The following DPYD variants were observed in gnomAD, a reference collection of about 807,000 sequenced individuals.
The protein encoded by DPYD is dihydropyrimidine dehydrogenase.
DPYD carries 109 observed loss-of-function variants against 116.2 expected under a neutral mutation model. That is an observed-to-expected ratio of 0.94 (90% CI 0.80 to 1.10). The LOEUF (loss-of-function observed/expected upper bound fraction) is 1.10. DPYD is among the 50% of genes least tolerant of loss of function. DPYD has a pLI of 0.00. For synonymous variants in DPYD, 440 were observed against 432.0 expected (o/e 1.02, Z -0.23); for missense variants, 1,302 against 1,254.5 (o/e 1.04, Z -0.57).
At chr1:97,874,448 A>AGG (rs1266047742) in intron 2 of DPYD, among the ~76,000 whole-genome samples, 1 of 151,912 alleles carries the variant, frequency 6.6e-6, no homozygotes, top group Non-Finnish European at 1.5e-5. Context: ...AGGTGCATAC[A>AGG]GGGTTTTTCT....
At chr1:97,095,616 C>G (rs1557859681) in intron 21 of DPYD, among the ~76,000 whole-genome samples, 1 of 150,978 alleles carries the variant, frequency 6.6e-6, no homozygotes, top group Non-Finnish European at 1.5e-5. Context: ...ATTAAAGCTT[C>G]TGTGTGTGTA....
intron 2 of DPYD, among the ~76,000 whole-genome samples, chr1:97,837,074 A>G (rs1669804716): frequency 6.6e-6 from 1 of 152,166 alleles, no homozygotes; most frequent in Admixed American, 6.5e-5. Context: ...AAGCCTTCCA[A>G]TATCCTTCTG....
At chr1:97,509,525 T>C (rs1449123824) in intron 13 of DPYD, among the ~76,000 whole-genome samples, 1 of 151,972 alleles carries the variant, frequency 6.6e-6, no homozygotes, top group Non-Finnish European at 1.5e-5. Context: ...GAAAGAACAC[T>C]GAACGTGTTC....
intron 13 of DPYD, among the ~76,000 whole-genome samples, chr1:97,468,023 AT>A (rs1677427429): frequency 1.3e-5 from 2 of 152,130 alleles, no homozygotes; most frequent in South Asian, 4.1e-4. Flanking sequence ...GATGATAAAT[AT>A]TTTAGAGTTT....
Position 97,474,797 on chromosome 1 carries a change from T to C in DPYD, c.1741-24574A>G, listed in dbSNP as rs542971414. ...CTGAATGAGATATATGTTATAATTA[T>C]AGCAAATGTTTGATCTAACTTTTAT... On this transcript the variant is annotated intron_variant, in intron 13 of 22. Coordinates refer to ENST00000370192, the MANE Select transcript of DPYD (RefSeq NM_000110.4). Among the ~76,000 whole-genome samples, 6 of 148,042 alleles carry C rather than the reference T, an allele frequency of 4.1e-5. No individual in the cohort carries two copies. The South Asian group carries it at 6.4e-4, about 16-fold the overall frequency.
chr1:97,437,935 T>A (rs1279291547), intron 14 of DPYD, among the ~76,000 whole-genome samples: 1 of 152,046 alleles, frequency 6.6e-6, no homozygotes, highest in Non-Finnish European at 1.5e-5. Context: ...CTTACTTTCT[T>A]GTTGCATAAG....
intron 8 of DPYD, among the ~76,000 whole-genome samples, chr1:97,600,145 A>G (rs925010336): frequency 2.6e-5 from 4 of 152,176 alleles, no homozygotes; most frequent in Non-Finnish European, 5.9e-5. Flanking sequence ...TGCTTTTTCA[A>G]TAAGACTTTG....
intron 12 of DPYD, among the ~76,000 whole-genome samples, chr1:97,549,071 A>G (rs1410132041): frequency 6.9e-6 from 1 of 145,554 alleles, no homozygotes; most frequent in African/African-American, 2.5e-5. Flanking sequence ...TTTCTTTCTT[A>G]TTTTTTTTTT....
intron 3 of DPYD, among the ~76,000 whole-genome samples, chr1:97,751,371 C>CAT (rs1351484233): frequency 1.4e-5 from 2 of 141,002 alleles, no homozygotes; most frequent in Admixed American, 7.2e-5. Context: ...TAAACACACA[C>CAT]ATATATATAC....
intron 20 of DPYD, among the ~76,000 whole-genome samples, chr1:97,179,583 C>T (rs1657508804): frequency 6.6e-6 from 1 of 152,140 alleles, no homozygotes; most frequent in African/African-American, 2.4e-5. Flanking sequence ...CAATCCACAG[C>T]AGACTGGCCA....
chr1:97,676,075 T>C (rs1309225416), intron 8 of DPYD, among the ~76,000 whole-genome samples: 1 of 152,152 alleles, frequency 6.6e-6, no homozygotes, highest in Non-Finnish European at 1.5e-5. Flanking sequence ...AAACTACCTA[T>C]GTAACCAACA....
intron 11 of DPYD, among the ~76,000 whole-genome samples, chr1:97,551,880 T>A (rs538324594): frequency 6.6e-4 from 101 of 152,274 alleles, no homozygotes; most frequent in African/African-American, 2.4e-3. Context: ...CATTATTCCC[T>A]AAACAATATA....
chr1:97,263,503 C>T (rs1397122046), intron 18 of DPYD, among the ~76,000 whole-genome samples: 2 of 152,078 alleles, frequency 1.3e-5, no homozygotes, highest in African/African-American at 4.8e-5. Flanking sequence ...AATAACTCTG[C>T]ACTTAGAATC....
At chr1:97,823,255 T>C (rs541150493) in intron 3 of DPYD, among the ~76,000 whole-genome samples, 1 of 152,060 alleles carries the variant, frequency 6.6e-6, no homozygotes, top group Admixed American at 6.6e-5. Flanking sequence ...CCCCGGTTCA[T>C]GCCATTCTCC....
intron 8 of DPYD, among the ~76,000 whole-genome samples, chr1:97,602,137 TG>T: frequency 6.6e-6 from 1 of 152,154 alleles, no homozygotes; most frequent in East Asian, 1.9e-4. Context: ...AGTGGATTAC[TG>T]AGTATTATTA....
intron 18 of DPYD, among the ~76,000 whole-genome samples, chr1:97,290,841 C>A (rs957917975): frequency 5.3e-5 from 8 of 152,140 alleles, no homozygotes; most frequent in African/African-American, 1.9e-4. Flanking sequence ...CAAATGGGAT[C>A]TAATTAAACT....
intron 10 of DPYD, among the ~76,000 whole-genome samples, chr1:97,574,305 A>G (rs1034839896): frequency 1.3e-5 from 2 of 152,062 alleles, no homozygotes; most frequent in Non-Finnish European, 2.9e-5. Context: ...TCAGTAGATT[A>G]AGGTCTCTTT....
At chr1:97,873,822 T>C (rs1671776135) in intron 2 of DPYD, among the ~76,000 whole-genome samples, 1 of 151,992 alleles carries the variant, frequency 6.6e-6, no homozygotes, top group Non-Finnish European at 1.5e-5. Context: ...ATTTATTGCA[T>C]ACTTACTACA....
At chr1:97,281,035 T>C (rs1477529969) in intron 18 of DPYD, among the ~76,000 whole-genome samples, 2 of 152,134 alleles carry the variant, frequency 1.3e-5, no homozygotes, top group Non-Finnish European at 2.9e-5. Flanking sequence ...AAATACAACA[T>C]TATTTTAAAA....
Sources: gnomAD v4.1 joint callset for allele counts (sites outside exome capture counted in the v4.1 genomes callset) on GRCh38, gnomAD v4.1.1 for gene constraint, MANE v1.5 for transcripts, NCBI Gene and HGNC (gene_info 2026-07-23, HGNC 2026-07-21) for gene names.